Variants in MYEF2 observed in about 807,000 individuals in gnomAD.
MYEF2 encodes myelin expression factor 2, also known as myelin gene expression factor 2.
In MYEF2, 37 loss-of-function variants were observed where a neutral mutation model predicts 75.2. The ratio of observed to expected loss-of-function variants is 0.49; its 90% CI spans 0.38 to 0.65. MYEF2 has a LOEUF of 0.65. MYEF2 is among the 30% of genes least tolerant of loss of function. MYEF2 has a pLI of 0.00. For missense variants in MYEF2, 634 were observed against 771.4 expected, an observed-to-expected ratio of 0.82 and a Z score of 2.11; for synonymous variants, 195 against 241.6, an observed-to-expected ratio of 0.81 and a Z score of 1.79.
chr15:48,165,712 T>A (rs930152275), intron 5 of MYEF2, among the ~76,000 whole-genome samples: 1 of 151,878 alleles, frequency 6.6e-6, no homozygotes, highest in African/African-American at 2.4e-5. Context: ...TATGTGCTTT[T>A]ATTTTTAACA....
chr15:48,171,329 T>C (rs1234137736), intron 1 of MYEF2, among the ~76,000 whole-genome samples: 1 of 152,212 alleles, frequency 6.6e-6, no homozygotes, highest in African/African-American at 2.4e-5. Context: ...ATTAAACCAA[T>C]TGTGAAAATT....
At chr15:48,161,214 C>G (rs544865164) in intron 5 of MYEF2, among the ~76,000 whole-genome samples, 1 of 151,994 alleles carries the variant, frequency 6.6e-6, no homozygotes, top group Non-Finnish European at 1.5e-5. Context: ...TACTATATAA[C>G]ATGACTTTTA....
intron 6 of MYEF2, 132 bp downstream of exon 6, chr15:48,159,481 G>T: frequency 1.4e-6 from 1 of 737,426 alleles, no homozygotes; most frequent in Non-Finnish European, 2.2e-6. Context: ...TTGATTTTGA[G>T]TTTACAATAA....
intron 10 of MYEF2, chr15:48,153,425 G>T (rs1426269209): frequency 6.5e-6 from 1 of 154,224 alleles, no homozygotes; most frequent in African/African-American, 2.4e-5. Context: ...ATAACTACCT[G>T]AAAAGCCACC....
chr15:48,156,552 C>T (rs561012285), intron 9 of MYEF2, among the ~76,000 whole-genome samples: 11 of 150,342 alleles, frequency 7.3e-5, no homozygotes, highest in African/African-American at 2.7e-4. Flanking sequence ...TAGTTAAAAA[C>T]TTCCCAGAAA....
chr15:48,160,486 T>TACATACAC (rs200591805), intron 5 of MYEF2, among the ~76,000 whole-genome samples: 7,938 of 139,158 alleles, frequency 0.057, 279 homozygotes, highest in African/African-American at 0.11. Flanking sequence ...AAACCAAACA[T>TACATACAC]ACACACACAC....
At chr15:48,168,581 C>T in intron 2 of MYEF2, 50 bp downstream of exon 2, 1 of 1,459,836 alleles carries the variant, frequency 6.9e-7, no homozygotes, top group Non-Finnish European at 9.5e-7. Context: ...AGTTCCCTCC[C>T]CTGCCTATAT....
At chr15:48,159,148 T>C (rs552916604) in intron 6 of MYEF2, among the ~76,000 whole-genome samples, 1 of 152,252 alleles carries the variant, frequency 6.6e-6, no homozygotes, top group East Asian at 1.9e-4. Context: ...AAATCATCTC[T>C]CAACTGCTCA....
At chr15:48,164,635 TC>T (rs2040070240) in intron 5 of MYEF2, among the ~76,000 whole-genome samples, 1 of 152,144 alleles carries the variant, frequency 6.6e-6, no homozygotes, top group Admixed American at 6.6e-5. Context: ...AAAGGAAGAC[TC>T]AACTGATACA....
chr15:48,134,793 C>T lies in MYEF2; in HGVS notation c.*8115G>A. The T allele has an allele frequency of 9.7e-7, 1 of 1,029,354 alleles. No homozygotes were observed. The highest frequency in any genetic ancestry group is 1.4e-6 in the Non-Finnish European group (1 of 700,964). The allele number at this position is 1,029,354 out of a possible 1,614,324, so 63.8% of individuals were successfully genotyped here. A position where few individuals can be genotyped will look rare whatever the true frequency, so the allele number is the denominator to read the frequency against. On this transcript the variant is annotated 3_prime_UTR_variant, in exon 17 of 17. Coordinates refer to ENST00000324324, the MANE Select transcript of MYEF2 (RefSeq NM_016132.5). ...ATATGCAAAAGATAACAATATTTAA[C>T]TACAAATATATAAACAATTTTAGTA... is the stretch of plus-strand genomic sequence containing the variant.
intron 11 of MYEF2, 141 bp downstream of exon 11, chr15:48,152,093 C>G (rs1453808250): frequency 8.7e-7 from 1 of 1,153,070 alleles, no homozygotes; most frequent in Non-Finnish European, 1.3e-6. Flanking sequence ...AAGTATGTAC[C>G]AGGCTCAATT....
intron 1 of MYEF2, among the ~76,000 whole-genome samples, chr15:48,170,090 C>A (rs1297255814): frequency 6.6e-6 from 1 of 151,912 alleles, no homozygotes; most frequent in Non-Finnish European, 1.5e-5. Flanking sequence ...ACAGCACAAA[C>A]AATAGGGTTT....
intron 3 of MYEF2, among the ~76,000 whole-genome samples, chr15:48,167,126 T>C (rs775713809): frequency 8.6e-5 from 13 of 152,040 alleles, no homozygotes; most frequent in East Asian, 3.8e-4. Context: ...CCTTAGAGCA[T>C]TGGAAAAGTG....
intron 2 of MYEF2, 43 bp from the exon 3 acceptor site, chr15:48,167,444 T>A (rs1429974641): frequency 6.3e-7 from 1 of 1,575,166 alleles, no homozygotes; most frequent in South Asian, 1.1e-5. Flanking sequence ...AAACAATACA[T>A]TTAAACACCA....
chr15:48,145,733 C>T (rs1264782417), intron 16 of MYEF2, among the ~76,000 whole-genome samples: 1 of 151,660 alleles, frequency 6.6e-6, no homozygotes, highest in African/African-American at 2.4e-5. Flanking sequence ...AACACAACCA[C>T]GGATGAAAAC....
In MYEF2 at chr15:48,139,001, G is replaced by T; in HGVS notation, c.*3907C>A. The T allele has an allele frequency of 6.2e-7, 1 of 1,612,838 alleles. No individual in the cohort carries two copies. Among genetic ancestry groups the T allele is most frequent in the South Asian group, 1.1e-5 (1 of 90,964 alleles). ...AAGTGTTTTCAACATGCCTGAAGCAGACTTAAAAAGAATTTTTTGGGTATT... is the reference window on the plus strand; with the variant it reads ...AAGTGTTTTCAACATGCCTGAAGCATACTTAAAAAGAATTTTTTGGGTATT... On this transcript the variant is annotated 3_prime_UTR_variant, in exon 17 of 17. Transcript: ENST00000324324.
intron 6 of MYEF2, 152 bp downstream of exon 6, chr15:48,159,461 T>C (rs2039847526): frequency 4.6e-6 from 3 of 646,560 alleles, no homozygotes; most frequent in Admixed American, 3.0e-5. Context: ...TATATATGTA[T>C]ATACGTCAAT....
At chr15:48,151,379 T>C (rs760395772) in intron 13 of MYEF2, 94 bp downstream of exon 13, 3 of 1,235,008 alleles carry the variant, frequency 2.4e-6, no homozygotes, top group East Asian at 2.3e-5. Flanking sequence ...GTATAAAACA[T>C]TATGATTTTC....
intron 1 of MYEF2, among the ~76,000 whole-genome samples, chr15:48,172,318 T>C (rs2040369576): frequency 6.6e-6 from 1 of 150,980 alleles, no homozygotes. Context: ...GAGATTCACC[T>C]GAACCCAGGA....
Sources: gnomAD v4.1 joint callset for allele counts (sites outside exome capture counted in the v4.1 genomes callset) on GRCh38, gnomAD v4.1.1 for gene constraint, MANE v1.5 for transcripts, NCBI Gene and HGNC (gene_info 2026-07-23, HGNC 2026-07-21) for gene names.